DNAH11: variants seen among roughly 807,000 people sequenced by gnomAD.
The protein encoded by DNAH11 is dynein axonemal heavy chain 11, also known as axonemal beta dynein heavy chain 11.
Under a neutral mutation model 526.0 loss-of-function variants are expected in DNAH11, and 442 were observed. The observed-to-expected ratio is 0.84, with a 90% CI of 0.78 to 0.91. The LOEUF (loss-of-function observed/expected upper bound fraction) is 0.91. Among genes scored for constraint, DNAH11 ranks in the 40% least tolerant of loss-of-function variants. The pLI is 0.00. For synonymous variants in DNAH11, 2,461 were observed against 1,935.9 expected (o/e 1.27, Z -7.12); for missense variants, 6,989 against 5,448.7 (o/e 1.28, Z -8.90).
At chr7:21,545,662 TCTC>T (rs1367004412) in intron 2 of DNAH11, among the ~76,000 whole-genome samples, 3 of 152,238 alleles carry the variant, frequency 2.0e-5, no homozygotes, top group Non-Finnish European at 4.4e-5. Context: ...ACTTTCTTTT[TCTC>T]CTCTTAAAAT....
intron 62 of DNAH11, among the ~76,000 whole-genome samples, chr7:21,807,251 C>T (rs1319405881): frequency 6.6e-6 from 1 of 152,154 alleles, no homozygotes; most frequent in Non-Finnish European, 1.5e-5. Flanking sequence ...GTAATCCCAG[C>T]ACTTTAGAAG....
Position 21,559,639 on chromosome 7 carries a change from T to A in DNAH11, c.729T>A (p.Ile243=), listed in dbSNP as rs1271109379. ...ACGAAAGGATAATACTTCATGCAAT[T>A]GAATCTGTGGTTATTGAATGGTCAC... ...PSNERIILHA[I]ESVVIEWSHQ... Residue 243 remains isoleucine (I), a synonymous_variant, in exon 4 of 82, where the codon ATT becomes ATA. Coordinates refer to ENST00000409508, the MANE Select transcript of DNAH11 (RefSeq NM_001277115.2). 24 of 1,611,378 alleles carry A rather than the reference T, an allele frequency of 1.5e-5. No homozygotes were observed. The highest frequency in any genetic ancestry group is 2.0e-5 in the Non-Finnish European group (24 of 1,178,884).
intron 51 of DNAH11, among the ~76,000 whole-genome samples, chr7:21,747,642 A>G (rs1464392314): frequency 2.0e-5 from 3 of 152,256 alleles, no homozygotes; most frequent in Non-Finnish European, 4.4e-5. Context: ...TGGATATTAT[A>G]GAACAAGGGA....
chr7:21,745,021 C>G lies in DNAH11; in HGVS notation c.8468C>G (p.Ala2823Gly). The change falls in exon 51 of 82, where the codon GCT (alanine) becomes GGT (glycine). Residue 2823 changes from alanine to glycine, a missense_variant. Coordinates refer to ENST00000409508, the MANE Select transcript of DNAH11 (RefSeq NM_001277115.2). ...ETLDNYNELN[A>G]AMHLVLFEDA... ...TTAGACAACTACAATGAACTAAATG[C>G]TGCCATGCACCTAGTTTTGTTTGAA... 4 of 1,609,808 alleles carry G rather than the reference C, an allele frequency of 2.5e-6. No individual in the cohort carries two copies. Among genetic ancestry groups the G allele is most frequent in the Non-Finnish European group, 3.4e-6 (4 of 1,178,028 alleles).
chr7:21,627,185 T>TGA (rs1475249452), intron 25 of DNAH11, among the ~76,000 whole-genome samples: 2 of 152,244 alleles, frequency 1.3e-5, no homozygotes, highest in African/African-American at 4.8e-5. Flanking sequence ...CCTTATCAGA[T>TGA]GAGTAGTTTG....
chr7:21,641,318 T>G (rs1787120977), intron 28 of DNAH11, among the ~76,000 whole-genome samples: 1 of 152,170 alleles, frequency 6.6e-6, no homozygotes. Flanking sequence ...CTCCCCGTCG[T>G]GGCTGATAAT....
intron 9 of DNAH11, 149 bp downstream of exon 9, chr7:21,582,170 T>C: frequency 1.7e-6 from 1 of 584,706 alleles, no homozygotes; most frequent in Non-Finnish European, 3.0e-6. Flanking sequence ...TAATAAACTT[T>C]GAATAGTGTA....
intron 2 of DNAH11, among the ~76,000 whole-genome samples, chr7:21,546,434 G>A (rs1008365613): frequency 6.6e-6 from 1 of 152,142 alleles, no homozygotes; most frequent in African/African-American, 2.4e-5. Context: ...GATGACTTTG[G>A]TTCAATATGA....
At chr7:21,643,569 G>C (rs1787217730) in intron 28 of DNAH11, among the ~76,000 whole-genome samples, 1 of 152,200 alleles carries the variant, frequency 6.6e-6, no homozygotes, top group Non-Finnish European at 1.5e-5. Flanking sequence ...AAATGTGGCA[G>C]CTAAGGAACT....
At chr7:21,609,566 TA>T (rs1376049124) in intron 20 of DNAH11, among the ~76,000 whole-genome samples, 1 of 117,156 alleles carries the variant, frequency 8.5e-6, no homozygotes, top group Non-Finnish European at 1.8e-5. Context: ...GTGTAAGTGA[TA>T]GGAAAAAAAA....
intron 49 of DNAH11, among the ~76,000 whole-genome samples, chr7:21,743,951 G>A (rs1786033084): frequency 6.6e-6 from 1 of 152,200 alleles, no homozygotes; most frequent in African/African-American, 2.4e-5. Context: ...CACCATGAGT[G>A]AGCAAGGGAG....
intron 70 of DNAH11, among the ~76,000 whole-genome samples, chr7:21,865,147 A>T (rs1054134726): frequency 6.6e-6 from 1 of 152,124 alleles, no homozygotes; most frequent in Non-Finnish European, 1.5e-5. Flanking sequence ...TCAATTATCA[A>T]TCCTCATTGC....
chr7:21,842,109 G>C (rs1019981804), intron 65 of DNAH11, among the ~76,000 whole-genome samples: 2 of 152,142 alleles, frequency 1.3e-5, no homozygotes, highest in African/African-American at 4.8e-5. Context: ...TTGTGACCAG[G>C]AACATGCCAT....
intron 40 of DNAH11, among the ~76,000 whole-genome samples, chr7:21,708,729 G>A (rs1784359528): frequency 6.6e-6 from 1 of 152,036 alleles, no homozygotes; most frequent in South Asian, 2.1e-4. Flanking sequence ...CTCCCATCAC[G>A]GGGCCTCAGC....
chr7:21,702,265 T>G (rs953754102), intron 36 of DNAH11, among the ~76,000 whole-genome samples: 3 of 152,086 alleles, frequency 2.0e-5, no homozygotes, highest in African/African-American at 2.4e-5. Flanking sequence ...AGTATCTGAT[T>G]AAGAGGTGGA....
intron 74 of DNAH11, among the ~76,000 whole-genome samples, chr7:21,873,784 C>CTGT (rs1783590687): frequency 1.4e-5 from 1 of 70,700 alleles, no homozygotes; most frequent in Non-Finnish European, 2.3e-5. Flanking sequence ...GAGGAGGTTG[C>CTGT]TTTTTTTTTT....
Position 21,767,495 on chromosome 7 carries a change from G to A in DNAH11, c.9102+1906G>A, listed in dbSNP as rs566617198. Among the ~76,000 whole-genome samples the A allele has an allele frequency of 9.8e-5, 15 of 152,308 alleles. No homozygotes were observed. The East Asian group carries it at 2.9e-3, about 29-fold the overall frequency. ...TGAGGCAGGACTTGCATCGTGTTAA[G>A]TCCAGAGGGCTCCTGTCAGGTGCTA... On this transcript the variant is annotated intron_variant, in intron 55 of 81. Transcript: ENST00000409508.
At chr7:21,844,619 T>C (rs1335558173) in intron 66 of DNAH11, among the ~76,000 whole-genome samples, 2 of 152,158 alleles carry the variant, frequency 1.3e-5, no homozygotes, top group African/African-American at 4.8e-5. Context: ...GTTCTCAAAC[T>C]GGGGGTCCTG....
intron 14 of DNAH11, among the ~76,000 whole-genome samples, chr7:21,594,065 C>CAT (rs1412657299): frequency 8.1e-6 from 1 of 123,428 alleles, no homozygotes; most frequent in Non-Finnish European, 1.6e-5. Flanking sequence ...TACACACATA[C>CAT]ACACACACAC....
Sources: gnomAD v4.1 joint callset for allele counts (sites outside exome capture counted in the v4.1 genomes callset) on GRCh38, gnomAD v4.1.1 for gene constraint, MANE v1.5 for transcripts, NCBI Gene and HGNC (gene_info 2026-07-23, HGNC 2026-07-21) for gene names.